Variants in C3orf18 observed in about 807,000 individuals in gnomAD.
C3orf18 encodes the protein uncharacterized protein C3orf18.
Under a neutral mutation model 14.1 loss-of-function variants are expected in C3orf18, and 12 were observed. That is an observed-to-expected ratio of 0.85 (90% confidence interval 0.55 to 1.38). C3orf18 has a LOEUF of 1.38. C3orf18 is among the 40% of genes most tolerant of loss of function. The probability of loss-of-function intolerance (pLI) is 0.00; values close to 1 mark genes in which losing one functional copy is unlikely to be tolerated. For missense variants in C3orf18, 196 were observed against 213.9 expected (o/e 0.92, Z 0.52); for synonymous variants, 82 against 87.9 (o/e 0.93, Z 0.38).
chr3:50,573,361 G>A (rs1303371228), upstream of C3orf18, among the ~76,000 whole-genome samples: 1 of 152,228 alleles, frequency 6.6e-6, no homozygotes, highest in Non-Finnish European at 1.5e-5. Flanking sequence ...GCAGACTTTG[G>A]GAGGCTTACC....
In C3orf18 at chr3:50,558,862, C is replaced by CA; in HGVS notation, c.*794dup. 1 of 1,289,820 alleles carries CA rather than the reference C, an allele frequency of 7.8e-7. No individual in the cohort carries two copies. The highest frequency in any genetic ancestry group is 1.2e-5 in the South Asian group (1 of 81,022). 79.9% of individuals were successfully genotyped at this position (1,289,820 alleles called of 1,614,324 possible). On this transcript the variant is annotated 3_prime_UTR_variant, in exon 6 of 6. Coordinates refer to ENST00000357203, the MANE Select transcript of C3orf18 (RefSeq NM_016210.5). ...ACTTGGAGGGTGGGGCCAGTGTGGACAATCTCATTCTGCCCGCTGTGCTGG... is the reference window on the plus strand; with the variant it reads ...ACTTGGAGGGTGGGGCCAGTGTGGACAAATCTCATTCTGCCCGCTGTGCTGG...
Position 50,559,342 on chromosome 3 carries a change from G to A in C3orf18, c.*315C>T. 1 of 1,289,256 alleles carries A rather than the reference G, an allele frequency of 7.8e-7. No homozygotes were observed. Among genetic ancestry groups the A allele is most frequent in the South Asian group, 1.5e-5 (1 of 66,178 alleles). The allele number at this position is 1,289,256 out of a possible 1,614,324, so 79.9% of individuals were successfully genotyped here. A position where few individuals can be genotyped will look rare whatever the true frequency, so the allele number is the denominator to read the frequency against. On this transcript the variant is annotated 3_prime_UTR_variant, in exon 6 of 6. Coordinates refer to ENST00000357203, the MANE Select transcript of C3orf18 (RefSeq NM_016210.5). ...TCATTTCCTCCACATTAGCGGGGCA[G>A]ACCCTGATGTGAGGGATCTGGACAG... is the stretch of plus-strand genomic sequence containing the variant.
At chr3:50,566,197 T>C (rs868201906) in intron 1 of C3orf18, 103 bp from the exon 2 acceptor site, 1 of 150,406 alleles carries the variant, frequency 6.6e-6, no homozygotes, top group African/African-American at 2.5e-5. Flanking sequence ...CACCTCCCCA[T>C]ATCCACCTCC....
upstream of C3orf18, among the ~76,000 whole-genome samples, chr3:50,572,451 A>G (rs1701108855): frequency 6.6e-6 from 1 of 152,234 alleles, no homozygotes; most frequent in African/African-American, 2.4e-5. Context: ...AATGGCCCAG[A>G]GTGCCTCAAA....
chr3:50,563,019 C>G (rs996802795), intron 3 of C3orf18, among the ~76,000 whole-genome samples: 3 of 152,264 alleles, frequency 2.0e-5, no homozygotes, highest in African/African-American at 7.2e-5. Flanking sequence ...TTCTGACTAC[C>G]AGGAGCATGA....
In C3orf18 at chr3:50,558,487, C is replaced by T. The variant is rs534005305; in HGVS notation, c.*1170G>A. 24 of 361,486 alleles carry T rather than the reference C, an allele frequency of 6.6e-5. No homozygotes were observed. The highest frequency in any genetic ancestry group is 1.9e-4 in the South Asian group (9 of 46,592). The allele number at this position is 361,486 out of a possible 1,614,324, so 22.4% of individuals were successfully genotyped here. On this transcript the variant is annotated 3_prime_UTR_variant, in exon 6 of 6. Coordinates refer to ENST00000357203, the MANE Select transcript of C3orf18 (RefSeq NM_016210.5). ...ATCTCCCCACTCTCTAAACACTGAA[C>T]GGCTCTTCCCATAGATGGGATGGAG...
In C3orf18 at chr3:50,558,603, T is replaced by C; in HGVS notation, c.*1054A>G. On this transcript the variant is annotated 3_prime_UTR_variant, in exon 6 of 6. Coordinates refer to ENST00000357203, the MANE Select transcript of C3orf18 (RefSeq NM_016210.5). ...TTCAGGCAGTCATAACTGCCCCCTC[T>C]AGCCTGCAGCCTGTGATTACTGCCC... The C allele has an allele frequency of 9.8e-7, 1 of 1,016,782 alleles. No individual in the cohort carries two copies. Among genetic ancestry groups the C allele is most frequent in the Non-Finnish European group, 1.3e-6 (1 of 771,198 alleles). 63.0% of individuals were successfully genotyped at this position (1,016,782 alleles called of 1,614,324 possible).
chr3:50,570,846 G>A (rs940739105), upstream of C3orf18: 30 of 387,108 alleles, frequency 7.7e-5, no homozygotes, highest in East Asian at 1.2e-3. Context: ...CAGAGCAAGA[G>A]CACAACTATT....
At chr3:50,568,400 G>A (rs1001051982), upstream of C3orf18, among the ~76,000 whole-genome samples, 2 of 152,100 alleles carry the variant, frequency 1.3e-5, no homozygotes, top group African/African-American at 4.8e-5. Context: ...TGTGTCTCCC[G>A]GTCTGGGAAG....
In C3orf18 at chr3:50,565,326, C is replaced by G. The variant is rs1232620091; in HGVS notation, c.234+140G>C. On this transcript the variant is annotated intron_variant, in intron 3 of 5. Transcript: ENST00000357203. The surrounding 1 kb of genome is among the most constrained non-coding windows in gnomAD (Gnocchi z 4.4). ...AGGTTGCAGTGAGCTGAGATCAAGCCATTGCACTCCAGCCTGCATGACAGA... is the reference window on the plus strand; with the variant it reads ...AGGTTGCAGTGAGCTGAGATCAAGCGATTGCACTCCAGCCTGCATGACAGA... 1.5e-6 allele frequency: 1 copy of G among 682,038 alleles called. No homozygotes were observed. The highest frequency in any genetic ancestry group is 1.8e-5 in the African/African-American group (1 of 56,178). The allele number at this position is 682,038 out of a possible 1,614,324, so 42.2% of individuals were successfully genotyped here. A position where few individuals can be genotyped will look rare whatever the true frequency, so the allele number is the denominator to read the frequency against.
upstream of C3orf18, among the ~76,000 whole-genome samples, chr3:50,572,876 A>G (rs901210780): frequency 6.6e-6 from 1 of 152,232 alleles, no homozygotes; most frequent in African/African-American, 2.4e-5. Context: ...TGTAGATGAC[A>G]GAGCTGGGAG....
upstream of C3orf18, among the ~76,000 whole-genome samples, chr3:50,573,511 A>G (rs1701250384): frequency 2.0e-5 from 3 of 152,202 alleles, no homozygotes; most frequent in African/African-American, 7.2e-5. Context: ...CTGAGTATCA[A>G]GTGTGGACTT....
chr3:50,561,192 T>C (rs1463057411), intron 4 of C3orf18, 128 bp from the exon 5 acceptor site: 2 of 1,036,214 alleles, frequency 1.9e-6, no homozygotes, highest in African/African-American at 1.6e-5. Context: ...AGGTTTCCCT[T>C]GAAATGGGAA....
At chr3:50,561,169 G>A in intron 4 of C3orf18, 105 bp from the exon 5 acceptor site, 1 of 1,249,584 alleles carries the variant, frequency 8.0e-7, no homozygotes, top group Non-Finnish European at 1.1e-6. Flanking sequence ...ACACAACCAT[G>A]CTTAGGGCCT....
rs1575820405 is a variant in C3orf18 at position 50,558,425 on chromosome 3, C to T, written c.*1232G>A. 1 of 303,114 alleles carries T rather than the reference C, an allele frequency of 3.3e-6. No individual in the cohort carries two copies. Among genetic ancestry groups the T allele is most frequent in the Non-Finnish European group, 6.5e-6 (1 of 154,392 alleles). The allele number at this position is 303,114 out of a possible 1,614,324, so 18.8% of individuals were successfully genotyped here. A position where few individuals can be genotyped will look rare whatever the true frequency, so the allele number is the denominator to read the frequency against. ...CAGGACCCCTGGTATCAGCCCTGAC[C>T]CTCCAAGGCTTATGGAGAGGCCAAG... On this transcript the variant is annotated 3_prime_UTR_variant, in exon 6 of 6. Coordinates refer to ENST00000357203, the MANE Select transcript of C3orf18 (RefSeq NM_016210.5).
rs749716657 is a variant in C3orf18 at position 50,558,854 on chromosome 3, A to G, written c.*803T>C. ...AGAGGTCGACTTGGAGGGTGGGGCC[A>G]GTGTGGACAATCTCATTCTGCCCGC... On this transcript the variant is annotated 3_prime_UTR_variant, in exon 6 of 6. Transcript: ENST00000357203. 1.6e-6 allele frequency: 2 copies of G among 1,289,832 alleles called. No individual in the cohort carries two copies. Among genetic ancestry groups the G allele is most frequent in the Non-Finnish European group, 1.0e-6 (1 of 988,856 alleles). The allele number at this position is 1,289,832 out of a possible 1,614,324, so 79.9% of individuals were successfully genotyped here.
rs770184669 is a variant in C3orf18 at position 50,558,950 on chromosome 3, G to C, written c.*707C>G. On this transcript the variant is annotated 3_prime_UTR_variant, in exon 6 of 6. Transcript: ENST00000357203. The stretch of plus-strand genomic sequence containing the variant: ...ATGCATGAGGCCTCTCGGCAGGTCT[G>C]GGGGGGCTGCATCCTTCCACTTCCA... The C allele has an allele frequency of 1.6e-6, 2 of 1,286,520 alleles. No individual in the cohort carries two copies. Among genetic ancestry groups the C allele is most frequent in the South Asian group, 2.5e-5 (2 of 80,700 alleles). The allele number at this position is 1,286,520 out of a possible 1,614,324, so 79.7% of individuals were successfully genotyped here. A position where few individuals can be genotyped will look rare whatever the true frequency, so the allele number is the denominator to read the frequency against.
chr3:50,564,803 C>T (rs1293661080), intron 3 of C3orf18, among the ~76,000 whole-genome samples: 1 of 152,204 alleles, frequency 6.6e-6, no homozygotes, highest in South Asian at 2.1e-4. Flanking sequence ...ACATCAACCA[C>T]CTTTAAGCCT....
At chr3:50,567,959 C>T (rs1700467487), upstream of C3orf18, among the ~76,000 whole-genome samples, 1 of 152,254 alleles carries the variant, frequency 6.6e-6, no homozygotes, top group Non-Finnish European at 1.5e-5. Context: ...CCCTTCCGGG[C>T]CAGAACTCGG....
Sources: allele counts gnomAD v4.1 joint callset (sites outside exome capture counted in the v4.1 genomes callset), GRCh38; gene constraint gnomAD v4.1.1; non-coding constraint Gnocchi (gnomAD v3.1); transcripts MANE v1.5; gene names NCBI Gene and HGNC (gene_info 2026-07-23, HGNC 2026-07-21).